The following CTNNA3 variants were observed in gnomAD, a reference collection of about 807,000 sequenced individuals.
CTNNA3 encodes the protein catenin alpha 3.
CTNNA3 carries 76 observed loss-of-function variants against 95.7 expected under a neutral mutation model. That is an observed-to-expected ratio of 0.79 (90% CI 0.66 to 0.96). The LOEUF (loss-of-function observed/expected upper bound fraction) is 0.96. Among genes scored for constraint, CTNNA3 ranks in the 40% least tolerant of loss-of-function variants. The pLI is 0.00. For synonymous variants in CTNNA3, 431 were observed against 374.4 expected, an observed-to-expected ratio of 1.15 and a Z score of -1.74; for missense variants, 1,191 against 1,089.8, an observed-to-expected ratio of 1.09 and a Z score of -1.31.
At chr10:66,950,744 G>T (rs543659732) in intron 7 of CTNNA3, among the ~76,000 whole-genome samples, 1 of 152,218 alleles carries the variant, frequency 6.6e-6, no homozygotes, top group Non-Finnish European at 1.5e-5. Context: ...CATTTATTCA[G>T]CTGCAACTAT....
chr10:66,837,914 C>A, intron 7 of CTNNA3, among the ~76,000 whole-genome samples: 1 of 152,080 alleles, frequency 6.6e-6, no homozygotes, highest in East Asian at 1.9e-4. Flanking sequence ...TCTCTGTCTA[C>A]AGATTCTTCC....
intron 1 of CTNNA3, among the ~76,000 whole-genome samples, chr10:67,724,068 C>G (rs1371175009): frequency 2.0e-5 from 3 of 152,170 alleles, no homozygotes; most frequent in African/African-American, 7.2e-5. Context: ...CAGCTGGGCT[C>G]AGCAGTGACC....
chr10:66,692,498 A>G (rs1365387748), intron 9 of CTNNA3, among the ~76,000 whole-genome samples: 1 of 152,172 alleles, frequency 6.6e-6, no homozygotes, highest in East Asian at 1.9e-4. Context: ...GGTGTACCTG[A>G]AAGTGACGGG....
At chr10:67,431,912 T>C (rs1846123152) in intron 5 of CTNNA3, among the ~76,000 whole-genome samples, 1 of 151,988 alleles carries the variant, frequency 6.6e-6, no homozygotes, top group African/African-American at 2.4e-5. Flanking sequence ...TCCTCCAGTG[T>C]TCGTATTCCA....
chr10:67,177,087 A>G, intron 7 of CTNNA3: 3 of 406,450 alleles, frequency 7.4e-6, no homozygotes, highest in East Asian at 7.0e-5. Flanking sequence ...GTATCCACTC[A>G]TATAAATTTA....
intron 3 of CTNNA3, among the ~76,000 whole-genome samples, chr10:67,542,755 G>A (rs1840720961): frequency 6.6e-6 from 1 of 152,074 alleles, no homozygotes; most frequent in Non-Finnish European, 1.5e-5. Context: ...CTAGGTAAAA[G>A]AAACATGTTC....
intron 5 of CTNNA3, among the ~76,000 whole-genome samples, chr10:67,507,296 G>A (rs1336788635): frequency 6.6e-6 from 1 of 152,156 alleles, no homozygotes; most frequent in Non-Finnish European, 1.5e-5. Flanking sequence ...TTGGGAGGCC[G>A]AGGCAGGTGG....
At chr10:66,554,317 T>G (rs1445425209) in intron 10 of CTNNA3, among the ~76,000 whole-genome samples, 1 of 152,186 alleles carries the variant, frequency 6.6e-6, no homozygotes, top group Non-Finnish European at 1.5e-5. Context: ...ATATCAGTGA[T>G]ATGTCAAAAT....
intron 5 of CTNNA3, among the ~76,000 whole-genome samples, chr10:67,465,946 G>C (rs779580879): frequency 3.9e-5 from 6 of 152,048 alleles, no homozygotes; most frequent in Admixed American, 2.0e-4. Flanking sequence ...ATTTTCACTT[G>C]CATGGTTTTA....
At chr10:66,810,317 G>A (rs1225772315) in intron 7 of CTNNA3, among the ~76,000 whole-genome samples, 2 of 152,036 alleles carry the variant, frequency 1.3e-5, no homozygotes, top group African/African-American at 4.8e-5. Flanking sequence ...AAGCACATTA[G>A]TTCCCCCACA....
chr10:67,529,588 C>T (rs944449416), intron 4 of CTNNA3, among the ~76,000 whole-genome samples: 1 of 151,092 alleles, frequency 6.6e-6, no homozygotes, highest in African/African-American at 2.4e-5. Context: ...CACATGTATA[C>T]ATATGTAACT....
At position 67,194,208 on chromosome 10, in the gene CTNNA3, C is replaced by T. The variant is rs368727431; in HGVS notation, c.844-13688G>A. 1.2e-3 allele frequency among the ~76,000 whole-genome samples: 185 copies of T among 152,124 alleles called. 1 individual carries two copies. The highest frequency in any genetic ancestry group is 4.1e-3 in the African/African-American group (171 of 41,568). On this transcript the variant is annotated intron_variant, in intron 6 of 17. Transcript: ENST00000433211. The stretch of plus-strand genomic sequence containing the variant: ...TTTACAATATAACCCAGCAATTGCA[C>T]TTCTTGGTATTTGCCCAAAGTAGTC...
intron 5 of CTNNA3, among the ~76,000 whole-genome samples, chr10:67,496,984 C>T (rs895450305): frequency 7.2e-5 from 11 of 152,020 alleles, no homozygotes; most frequent in Non-Finnish European, 1.5e-4. Context: ...GCAGAAAGTG[C>T]AGGTTTGTTA....
chr10:66,019,984 T>G lies in CTNNA3; in HGVS notation c.2160-31187A>C, dbSNP rs147717011. On this transcript the variant is annotated intron_variant, in intron 15 of 17. Coordinates refer to ENST00000433211, the MANE Select transcript of CTNNA3 (RefSeq NM_013266.4). Reference sequence around the variant, plus strand: ...CAGAGGAATTACAATGGAAATAGATTGAGTTCTCCAATGCTACCTGATTTT... The same window carrying G: ...CAGAGGAATTACAATGGAAATAGATGGAGTTCTCCAATGCTACCTGATTTT... 3.3e-5 allele frequency among the ~76,000 whole-genome samples: 5 copies of G among 152,338 alleles called. No homozygotes were observed. The East Asian group carries it at 9.6e-4, about 29-fold the overall frequency.
At chr10:66,990,958 A>C (rs1851006902) in intron 7 of CTNNA3, among the ~76,000 whole-genome samples, 1 of 152,220 alleles carries the variant, frequency 6.6e-6, no homozygotes, top group Admixed American at 6.5e-5. Context: ...AACATTTAAC[A>C]GTTTTTGAGT....
rs182200017 is a variant in CTNNA3 at position 67,291,051 on chromosome 10, C to A, written c.580-71181G>T. Among the ~76,000 whole-genome samples the A allele has an allele frequency of 7.2e-5, 11 of 152,236 alleles. No homozygotes were observed. In the East Asian group the frequency reaches 1.5e-3, roughly 21 times the overall value. On this transcript the variant is annotated intron_variant, in intron 5 of 17. Coordinates refer to ENST00000433211, the MANE Select transcript of CTNNA3 (RefSeq NM_013266.4). ...AGGTTGAAAGGATGGACTCCGGAGT[C>A]AGATGCACAAGGATTCACATTGCTC...
chr10:66,677,765 A>G (rs929578079), intron 9 of CTNNA3, among the ~76,000 whole-genome samples: 5 of 152,076 alleles, frequency 3.3e-5, no homozygotes, highest in African/African-American at 1.2e-4. Context: ...GGTCCATTAA[A>G]CTTCTTTCCT....
At chr10:67,300,443 A>G (rs1372945673) in intron 5 of CTNNA3, among the ~76,000 whole-genome samples, 1 of 152,158 alleles carries the variant, frequency 6.6e-6, no homozygotes, top group Non-Finnish European at 1.5e-5. Flanking sequence ...TCACCAATGC[A>G]TATTATAGTG....
intron 14 of CTNNA3, among the ~76,000 whole-genome samples, chr10:66,080,680 C>A (rs557272999): frequency 2.6e-5 from 4 of 152,074 alleles, no homozygotes; most frequent in African/African-American, 9.7e-5. Context: ...TTCAATACTG[C>A]TGCAATGGAG....
Sources: allele counts gnomAD v4.1 joint callset (sites outside exome capture counted in the v4.1 genomes callset), GRCh38; gene constraint gnomAD v4.1.1; transcripts MANE v1.5; gene names NCBI Gene and HGNC (gene_info 2026-07-23, HGNC 2026-07-21).